The following SLC6A11 variants were observed in gnomAD, a reference collection of about 807,000 sequenced individuals.
The protein encoded by SLC6A11 is solute carrier family 6 member 11, also known as sodium- and chloride-dependent GABA transporter 3.
A neutral mutation model predicts 74.8 loss-of-function variants in SLC6A11; 25 were observed. That is an observed-to-expected ratio of 0.33 (90% CI 0.24 to 0.47). SLC6A11 has a LOEUF of 0.47. Among genes scored for constraint, SLC6A11 ranks in the 20% least tolerant of loss-of-function variants. SLC6A11 has a pLI of 1.00. For missense variants in SLC6A11, 574 were observed against 837.0 expected (o/e 0.69, Z 3.88); for synonymous variants, 330 against 330.2 (o/e 1.00, Z 0.01).
Position 10,938,699 on chromosome 3 carries a change from A to G in SLC6A11, c.*297A>G. ...TAGGGATTAGGAAGAAGTGTATAAT[A>G]TTGTAAAACTTTTTTTACTGGGGTT... On this transcript the variant is annotated 3_prime_UTR_variant, in exon 14 of 14. Transcript: ENST00000254488. 1 of 232,954 alleles carries G rather than the reference A, an allele frequency of 4.3e-6. No individual in the cohort carries two copies. Among genetic ancestry groups the G allele is most frequent in the Non-Finnish European group, 8.3e-6 (1 of 121,190 alleles). The allele number at this position is 232,954 out of a possible 1,614,324, so 14.4% of individuals were successfully genotyped here. A position where few individuals can be genotyped will look rare whatever the true frequency, so the allele number is the denominator to read the frequency against.
At chr3:10,836,206 T>A (rs1694364962) in intron 4 of SLC6A11, among the ~76,000 whole-genome samples, 1 of 152,266 alleles carries the variant, frequency 6.6e-6, no homozygotes, top group Non-Finnish European at 1.5e-5. Flanking sequence ...TTCATTGCTT[T>A]TGTAGCTGTA....
At chr3:10,857,180 C>T (rs1039051119) in intron 5 of SLC6A11, among the ~76,000 whole-genome samples, 4 of 152,074 alleles carry the variant, frequency 2.6e-5, no homozygotes, top group Non-Finnish European at 4.4e-5. Flanking sequence ...GTTATAGTGG[C>T]CCGGGGTGGT....
intron 5 of SLC6A11, among the ~76,000 whole-genome samples, chr3:10,859,521 G>A (rs1371145521): frequency 1.3e-5 from 2 of 152,198 alleles, no homozygotes; most frequent in East Asian, 3.9e-4. Context: ...AGACAGGTAT[G>A]TCTGAGCTCA....
At chr3:10,903,909 A>G (rs991615378) in intron 6 of SLC6A11, among the ~76,000 whole-genome samples, 1 of 152,226 alleles carries the variant, frequency 6.6e-6, no homozygotes, top group Non-Finnish European at 1.5e-5. Flanking sequence ...GAGGTAGGAA[A>G]AAGAAGTAAA....
rs76382257 is a variant in SLC6A11 at position 10,891,638 on chromosome 3, C to T, written c.891+16543C>T. On this transcript the variant is annotated intron_variant, in intron 6 of 13. Transcript: ENST00000254488. ...AAGAGCCAGTATGTAGGTCCAACTTCTTCTTTTGTTGATGAGTACCTGAGT... is the reference window on the plus strand; with the variant it reads ...AAGAGCCAGTATGTAGGTCCAACTTTTTCTTTTGTTGATGAGTACCTGAGT... Among the ~76,000 whole-genome samples the T allele has an allele frequency of 1.7e-3, 255 of 152,282 alleles. 4 individuals carry two copies. The highest frequency in any genetic ancestry group is 5.7e-3 in the African/African-American group (238 of 41,562).
chr3:10,897,914 T>A (rs1213845555), intron 6 of SLC6A11, among the ~76,000 whole-genome samples: 1 of 152,200 alleles, frequency 6.6e-6, no homozygotes, highest in Non-Finnish European at 1.5e-5. Context: ...ATCCAGGCAT[T>A]TCCATACATC....
At chr3:10,855,849 C>A (rs1447546285) in intron 5 of SLC6A11, among the ~76,000 whole-genome samples, 1 of 152,178 alleles carries the variant, frequency 6.6e-6, no homozygotes, top group Non-Finnish European at 1.5e-5. Flanking sequence ...GTACAATGAC[C>A]AGAAAGCTAA....
At chr3:10,873,975 A>C (rs565067516) in intron 5 of SLC6A11, among the ~76,000 whole-genome samples, 11 of 136,520 alleles carry the variant, frequency 8.1e-5, no homozygotes, top group Non-Finnish European at 1.7e-4. Flanking sequence ...ATGCTATGCT[A>C]CGCTACGCTA....
intron 5 of SLC6A11, among the ~76,000 whole-genome samples, chr3:10,871,398 T>A (rs1470524613): frequency 6.6e-6 from 1 of 152,214 alleles, no homozygotes; most frequent in Non-Finnish European, 1.5e-5. Context: ...ATATTATGTA[T>A]CTGGAACACT....
rs557955638 is a variant in SLC6A11 at position 10,834,592 on chromosome 3, T to C, written c.624-9622T>C. Among the ~76,000 whole-genome samples the C allele has an allele frequency of 2.0e-5, 3 of 152,048 alleles. No homozygotes were observed. The East Asian group carries it at 5.8e-4, about 29-fold the overall frequency. ...TGTTTTTAATAAAACAATGAGGAAG[T>C]ATATAAAACTCTCCAGGGTCGCACA... On this transcript the variant is annotated intron_variant, in intron 4 of 13. Transcript: ENST00000254488.
chr3:10,861,082 G>A (rs954151531), intron 5 of SLC6A11, among the ~76,000 whole-genome samples: 1 of 152,196 alleles, frequency 6.6e-6, no homozygotes, highest in Non-Finnish European at 1.5e-5. Context: ...GAAGCAGTTT[G>A]GAAATCTGTA....
At chr3:10,860,443 G>A (rs1049596256) in intron 5 of SLC6A11, among the ~76,000 whole-genome samples, 2 of 152,226 alleles carry the variant, frequency 1.3e-5, no homozygotes, top group Non-Finnish European at 2.9e-5. Flanking sequence ...CAGCCAGGAT[G>A]AGAATGCAAG....
Position 10,852,689 on chromosome 3 carries a change from G to A in SLC6A11, c.756+8343G>A, listed in dbSNP as rs192062425. On this transcript the variant is annotated intron_variant, in intron 5 of 13. Transcript: ENST00000254488. ...TTGGCGCCTGTGCAGCGCTGTCCCCGTGCACATGGGTCTCCCTGGGAAACG... is the reference window on the plus strand; with the variant it reads ...TTGGCGCCTGTGCAGCGCTGTCCCCATGCACATGGGTCTCCCTGGGAAACG... Among the ~76,000 whole-genome samples the A allele has an allele frequency of 1.3e-3, 192 of 152,324 alleles. 1 individual carries two copies. The highest frequency in any genetic ancestry group is 4.3e-3 in the African/African-American group (177 of 41,560).
intron 7 of SLC6A11, among the ~76,000 whole-genome samples, chr3:10,913,015 C>CA (rs1229983281): frequency 1.3e-5 from 2 of 151,746 alleles, no homozygotes; most frequent in Non-Finnish European, 2.9e-5. Context: ...TGCAACAATC[C>CA]CTTACCACAG....
chr3:10,913,009 A>G (rs1311640331), intron 7 of SLC6A11, among the ~76,000 whole-genome samples: 2 of 151,954 alleles, frequency 1.3e-5, no homozygotes, highest in African/African-American at 4.8e-5. Flanking sequence ...TGACAGTGCA[A>G]CAATCCCTTA....
chr3:10,902,271 C>G (rs561350476), intron 6 of SLC6A11, among the ~76,000 whole-genome samples: 7 of 152,364 alleles, frequency 4.6e-5, no homozygotes, highest in South Asian at 2.1e-4. Context: ...GGCGCTGGAA[C>G]AGCAAGGAGC....
intron 8 of SLC6A11, among the ~76,000 whole-genome samples, chr3:10,919,682 C>T (rs1316282977): frequency 3.3e-5 from 5 of 152,180 alleles, no homozygotes; most frequent in African/African-American, 7.2e-5. Flanking sequence ...GGAAATCAGG[C>T]GTACAAGCTA....
At chr3:10,839,895 T>C (rs1694415486) in intron 4 of SLC6A11, among the ~76,000 whole-genome samples, 1 of 152,164 alleles carries the variant, frequency 6.6e-6, no homozygotes, top group African/African-American at 2.4e-5. Flanking sequence ...AGCCTAGCCC[T>C]GGCTCTTCCT....
intron 6 of SLC6A11, among the ~76,000 whole-genome samples, chr3:10,907,105 A>G (rs1394899568): frequency 6.6e-6 from 1 of 152,238 alleles, no homozygotes; most frequent in Non-Finnish European, 1.5e-5. Flanking sequence ...ACTGAAAGTT[A>G]ATATTTCAAA....
Sources: gnomAD v4.1 joint callset for allele counts (sites outside exome capture counted in the v4.1 genomes callset) on GRCh38, gnomAD v4.1.1 for gene constraint, MANE v1.5 for transcripts, NCBI Gene and HGNC (gene_info 2026-07-23, HGNC 2026-07-21) for gene names.